Variants in TDRD10 observed in about 807,000 individuals in gnomAD.
The protein encoded by TDRD10 is tudor domain containing 10, also known as tudor domain-containing protein 10.
Under a neutral mutation model 48.0 loss-of-function variants are expected in TDRD10, and 40 were observed. The observed-to-expected ratio is 0.83, with a 90% CI of 0.65 to 1.09. TDRD10 has a LOEUF of 1.09. Among genes scored for constraint, TDRD10 ranks in the 50% least tolerant of loss-of-function variants. The pLI, the probability that TDRD10 is intolerant of heterozygous loss-of-function variation, is 0.00. For missense variants in TDRD10, 378 were observed against 434.7 expected, an observed-to-expected ratio of 0.87 and a Z score of 1.16; for synonymous variants, 162 against 170.4, an observed-to-expected ratio of 0.95 and a Z score of 0.38.
chr1:154,526,732 T>C (rs4592256), intron 6 of TDRD10, among the ~76,000 whole-genome samples: 144,455 of 151,792 alleles, frequency 0.95, 69,145 homozygotes, highest in East Asian at 1. Flanking sequence ...GGATTACAGG[T>C]GTGAGCCACT....
intron 6 of TDRD10, among the ~76,000 whole-genome samples, chr1:154,535,694 G>T (rs1007441852): frequency 1.3e-5 from 2 of 152,088 alleles, no homozygotes; most frequent in Admixed American, 1.3e-4. Context: ...AAAAAAGGTT[G>T]AAAAAGACTT....
chr1:154,509,539 A>G (rs1693329573), intron 4 of TDRD10, among the ~76,000 whole-genome samples: 1 of 152,154 alleles, frequency 6.6e-6, no homozygotes, highest in Admixed American at 6.5e-5. Flanking sequence ...CAGGAGTGGA[A>G]TCCAGGCTCA....
rs540177914 is a variant in TDRD10, at chr1:154,540,723, C to T, written c.370-1301C>T. On this transcript the variant is annotated intron_variant, in intron 6 of 12. Coordinates refer to ENST00000368482, the MANE Select transcript of TDRD10 (RefSeq NM_182499.4). ...GGCTGGGGCTGCAGCTTTGAGAGTC[C>T]GTGGTACATTGTTGATACCTAAAAC... is the stretch of plus-strand genomic sequence containing the variant. 8.5e-5 allele frequency among the ~76,000 whole-genome samples: 13 copies of T among 152,120 alleles called. No homozygotes were observed. In the South Asian group the frequency reaches 1.0e-3, roughly 12 times the overall value.
At chr1:154,520,961 A>G (rs1381369127) in intron 5 of TDRD10, among the ~76,000 whole-genome samples, 1 of 151,976 alleles carries the variant, frequency 6.6e-6, no homozygotes, top group Non-Finnish European at 1.5e-5. Context: ...CTGGTCTGGA[A>G]CTCCTGGGCT....
intron 6 of TDRD10, among the ~76,000 whole-genome samples, chr1:154,540,565 G>A (rs1197487940): frequency 6.6e-6 from 1 of 151,596 alleles, no homozygotes; most frequent in African/African-American, 2.4e-5. Context: ...CTAGGCTGGG[G>A]AGGGTCTGCT....
chr1:154,507,461 C>A, intron 3 of TDRD10, 141 bp downstream of exon 3: 1 of 1,017,708 alleles, frequency 9.8e-7, no homozygotes, highest in Non-Finnish European at 1.5e-6. Context: ...TCCAGTCAGC[C>A]ACCATGTTTC....
In TDRD10 at chr1:154,502,292, C is replaced by A. The variant is rs1326664143; in HGVS notation, c.-765C>A. The A allele has an allele frequency of 5.0e-6, 1 of 200,914 alleles. No homozygotes were observed. Among genetic ancestry groups the A allele is most frequent in the African/African-American group, 2.3e-5 (1 of 43,072 alleles). The allele number at this position is 200,914 out of a possible 1,614,324, so 12.4% of individuals were successfully genotyped here. A position where few individuals can be genotyped will look rare whatever the true frequency, so the allele number is the denominator to read the frequency against. ...CGGGCGCCGGGGGCTTCCCCCTGCT[C>A]TTTCCTCCTGCGGTGGGAGAGGCCA... On this transcript the variant is annotated 5_prime_UTR_variant, in exon 1 of 13. Coordinates refer to ENST00000368482, the MANE Select transcript of TDRD10 (RefSeq NM_182499.4).
At position 154,537,940 on chromosome 1, in the gene TDRD10, C is replaced by T. The variant is rs1695009925; in HGVS notation, c.370-4084C>T. Among the ~76,000 whole-genome samples, 3 of 152,198 alleles carry T rather than the reference C, an allele frequency of 2.0e-5. No individual in the cohort carries two copies. The South Asian group carries it at 6.2e-4, about 31-fold the overall frequency. ...AACAATGGAACTTAATTAAAATTAACTGCTCTTGCAGCTATTGAGGTGCTG... is the reference window on the plus strand; with the variant it reads ...AACAATGGAACTTAATTAAAATTAATTGCTCTTGCAGCTATTGAGGTGCTG... On this transcript the variant is annotated intron_variant, in intron 6 of 12. Coordinates refer to ENST00000368482, the MANE Select transcript of TDRD10 (RefSeq NM_182499.4).
intron 3 of TDRD10, 56 bp from the exon 4 acceptor site, chr1:154,508,367 C>A: frequency 8.2e-7 from 1 of 1,220,308 alleles, no homozygotes; most frequent in Non-Finnish European, 1.2e-6. Flanking sequence ...ATTCTGACTC[C>A]TCTGAATCCT....
In TDRD10 at chr1:154,506,990, G is replaced by C. The variant is rs1693184338; in HGVS notation, c.2+85G>C. On this transcript the variant is annotated intron_variant, in intron 2 of 12. Transcript: ENST00000368482. ...TCCCATTCCTGTCTCACCATGCCCTGGTCTTAAGAGTCACCCCTGGCATCT... is the reference window on the plus strand; with the variant it reads ...TCCCATTCCTGTCTCACCATGCCCTCGTCTTAAGAGTCACCCCTGGCATCT... 7 of 1,612,224 alleles carry C rather than the reference G, an allele frequency of 4.3e-6. No homozygotes were observed. In the Admixed American group the frequency reaches 1.0e-4, roughly 23 times the overall value.
At chr1:154,544,611 TC>T in intron 10 of TDRD10, 94 bp downstream of exon 10, 1 of 1,506,928 alleles carries the variant, frequency 6.6e-7, no homozygotes, top group Admixed American at 2.3e-5. Context: ...TGGTTTTTTT[TC>T]CTGTGGCTTC....
chr1:154,530,109 G>A (rs1311108236), intron 6 of TDRD10, among the ~76,000 whole-genome samples: 1 of 151,996 alleles, frequency 6.6e-6, no homozygotes, highest in Non-Finnish European at 1.5e-5. Context: ...CCGCCTCCCG[G>A]GTTCAAGTGA....
rs150947108 is a variant in TDRD10, at chr1:154,521,090, A to T, written c.213-233A>T. On this transcript the variant is annotated intron_variant, in intron 5 of 12. Transcript: ENST00000368482. ...TTAAACTCAAAGTCATAGACATACG[A>T]TGCATAGTGAAAGTCAGCTCATTTC... Among the ~76,000 whole-genome samples, 6 of 152,278 alleles carry T rather than the reference A, an allele frequency of 3.9e-5. No individual in the cohort carries two copies. In the East Asian group the frequency reaches 1.2e-3, roughly 29 times the overall value.
At chr1:154,531,859 A>G (rs1489566805) in intron 6 of TDRD10, among the ~76,000 whole-genome samples, 2 of 152,178 alleles carry the variant, frequency 1.3e-5, no homozygotes, top group South Asian at 2.1e-4. Flanking sequence ...TGAGCTAGAC[A>G]CACAAGTTCT....
intron 6 of TDRD10, among the ~76,000 whole-genome samples, chr1:154,526,102 G>A (rs1412065906): frequency 2.6e-5 from 4 of 151,208 alleles, no homozygotes; most frequent in Non-Finnish European, 2.9e-5. Context: ...CTACTCGGGA[G>A]GCTGAGGCAG....
At chr1:154,507,213 G>T (rs1693195228) in intron 2 of TDRD10, 28 bp from the exon 3 acceptor site, 1 of 1,613,648 alleles carries the variant, frequency 6.2e-7, no homozygotes, top group Non-Finnish European at 8.5e-7. Context: ...AGCTTGGGAG[G>T]TTCGATGCTG....
intron 6 of TDRD10, among the ~76,000 whole-genome samples, chr1:154,540,475 A>C (rs1179217992): frequency 1.4e-5 from 2 of 142,614 alleles, no homozygotes; most frequent in Non-Finnish European, 3.0e-5. Context: ...GTTCAAGACC[A>C]GCCTGGGCAA....
chr1:154,525,929 C>T (rs1170111668), intron 6 of TDRD10, among the ~76,000 whole-genome samples: 1 of 139,624 alleles, frequency 7.2e-6, no homozygotes, highest in Non-Finnish European at 1.5e-5. Context: ...AGAGGCTGGG[C>T]GTGGTGGCTC....
chr1:154,529,417 C>T (rs1183247966), intron 6 of TDRD10, among the ~76,000 whole-genome samples: 1 of 152,038 alleles, frequency 6.6e-6, no homozygotes, highest in African/African-American at 2.4e-5. Flanking sequence ...ACATCGAAAA[C>T]TCAAGAGGAG....
Sources: allele counts gnomAD v4.1 joint callset (sites outside exome capture counted in the v4.1 genomes callset), GRCh38; gene constraint gnomAD v4.1.1; transcripts MANE v1.5; gene names NCBI Gene and HGNC (gene_info 2026-07-23, HGNC 2026-07-21).